Variants in LMBRD1 observed in about 807,000 individuals in gnomAD.
LMBRD1 encodes lysosomal cobalamin transport escort protein LMBD1.
LMBRD1 carries 64 observed loss-of-function variants against 74.8 expected under a neutral mutation model. That is an observed-to-expected ratio of 0.86 (90% CI 0.70 to 1.05). LMBRD1 has a LOEUF of 1.05. LMBRD1 is among the 50% of genes least tolerant of loss of function. The pLI is 0.00. For missense variants in LMBRD1, 652 were observed against 645.9 expected (o/e 1.01, Z -0.10); for synonymous variants, 204 against 216.3 (o/e 0.94, Z 0.50).
chr6:69,706,002 T>C lies in LMBRD1; in HGVS notation c.916-4049A>G, dbSNP rs77164302. The C allele has an allele frequency of 4.8e-3, 3,844 of 805,876 alleles. 75 individuals carry two copies. The African/African-American group carries it at 0.054, about 11-fold the overall frequency. 49.9% of individuals were successfully genotyped at this position (805,876 alleles called of 1,614,324 possible). Reference sequence around the variant, plus strand: ...CTTCAACGATGTGTAATTCATCTTTTCCATCAGCCCCTAAACTGACCGTTC... The same window carrying C: ...CTTCAACGATGTGTAATTCATCTTTCCCATCAGCCCCTAAACTGACCGTTC... On this transcript the variant is annotated intron_variant, in intron 9 of 15. Coordinates refer to ENST00000649934, the MANE Select transcript of LMBRD1 (RefSeq NM_018368.4).
intron 5 of LMBRD1, among the ~76,000 whole-genome samples, chr6:69,744,647 T>A (rs997059865): frequency 1.3e-5 from 2 of 152,170 alleles, no homozygotes; most frequent in African/African-American, 2.4e-5. Flanking sequence ...TTACACTCCA[T>A]CACCAAGTCA....
intron 9 of LMBRD1, among the ~76,000 whole-genome samples, chr6:69,702,314 C>T (rs1047981851): frequency 6.6e-6 from 1 of 151,052 alleles, no homozygotes; most frequent in Non-Finnish European, 1.5e-5. Context: ...CACCCCAAAA[C>T]CATGAAATGC....
In LMBRD1 at chr6:69,734,900, T is replaced by C. The variant is rs367629884; in HGVS notation, c.636+3042A>G. Among the ~76,000 whole-genome samples the C allele has an allele frequency of 5.9e-5, 9 of 152,174 alleles. No individual in the cohort carries two copies. The East Asian group carries it at 9.6e-4, about 16-fold the overall frequency. On this transcript the variant is annotated intron_variant, in intron 7 of 15. Transcript: ENST00000649934. ...ACTCAACTTTTGGTGAATTAGTGAG[T>C]GACGATGGTTGTGGTCATAGTGGGT...
chr6:69,774,801 G>A (rs1401662267), intron 3 of LMBRD1, among the ~76,000 whole-genome samples: 11 of 151,810 alleles, frequency 7.2e-5, no homozygotes, highest in South Asian at 4.2e-4. Flanking sequence ...TTTTATAAAA[G>A]AAAAGAGTAG....
At chr6:69,762,729 C>T (rs990688872) in intron 3 of LMBRD1, among the ~76,000 whole-genome samples, 2 of 152,062 alleles carry the variant, frequency 1.3e-5, no homozygotes, top group Admixed American at 1.3e-4. Context: ...AGGATCCCAT[C>T]ATGGGACTGG....
chr6:69,754,130 A>G (rs1329313012), intron 3 of LMBRD1, among the ~76,000 whole-genome samples: 2 of 142,800 alleles, frequency 1.4e-5, no homozygotes, highest in Non-Finnish European at 3.1e-5. Context: ...TGGTTGTCAG[A>G]AGGAGAGAGG....
chr6:69,786,248 G>T (rs1233681335), intron 2 of LMBRD1, among the ~76,000 whole-genome samples: 1 of 152,060 alleles, frequency 6.6e-6, no homozygotes, highest in Non-Finnish European at 1.5e-5. Context: ...TCAATAAAGA[G>T]CACAAAGTTC....
chr6:69,711,417 T>C (rs564638172), intron 9 of LMBRD1, among the ~76,000 whole-genome samples: 2 of 152,264 alleles, frequency 1.3e-5, no homozygotes, highest in Admixed American at 6.5e-5. Context: ...CTTAGTAAAG[T>C]TGATTTGAAA....
At position 69,790,160 on chromosome 6, in the gene LMBRD1, A is replaced by G; in HGVS notation, c.246+136T>C. On this transcript the variant is annotated intron_variant, in intron 2 of 15. Transcript: ENST00000649934. ...CTTCTGGTCTATCAGGTTAGATGTC[A>G]CATTCTCAGCTTCTATGTTGTATTT... is the stretch of plus-strand genomic sequence containing the variant. 4.4e-6 allele frequency: 3 copies of G among 680,972 alleles called. No individual in the cohort carries two copies. The South Asian group carries it at 5.1e-5, about 11-fold the overall frequency. The allele number at this position is 680,972 out of a possible 1,614,324, so 42.2% of individuals were successfully genotyped here.
At chr6:69,719,503 G>T (rs921833906) in intron 7 of LMBRD1, among the ~76,000 whole-genome samples, 1 of 151,974 alleles carries the variant, frequency 6.6e-6, no homozygotes, top group African/African-American at 2.4e-5. Flanking sequence ...CATGTTATTT[G>T]ATTAGCATAT....
intron 2 of LMBRD1, among the ~76,000 whole-genome samples, chr6:69,785,244 C>T (rs1432046916): frequency 6.6e-6 from 1 of 152,200 alleles, no homozygotes; most frequent in Admixed American, 6.5e-5. Context: ...TCCCCTTCAG[C>T]TGACCTTCTA....
intron 14 of LMBRD1, among the ~76,000 whole-genome samples, chr6:69,694,930 C>A (rs1283893339): frequency 6.6e-6 from 1 of 152,146 alleles, no homozygotes; most frequent in Non-Finnish European, 1.5e-5. Flanking sequence ...ACTGTCTACC[C>A]CACAGCCCGC....
intron 1 of LMBRD1, among the ~76,000 whole-genome samples, chr6:69,795,308 C>T (rs1287273019): frequency 6.6e-6 from 1 of 152,204 alleles, no homozygotes; most frequent in African/African-American, 2.4e-5. Context: ...CAAACTCTAC[C>T]ACAATTCTCA....
chr6:69,703,455 CA>C lies in LMBRD1; in HGVS notation c.916-1503del, dbSNP rs530645065. ...TCCCTCTCTTTGGTATCCATTTTGG[CA>C]AAAAAAAAAAAAAATTTAAAATTAA... On this transcript the variant is annotated intron_variant, in intron 9 of 15. Transcript: ENST00000649934. Among the ~76,000 whole-genome samples the C allele has an allele frequency of 7.7e-3, 942 of 122,514 alleles. 6 individuals carry two copies. The highest frequency in any genetic ancestry group is 0.017 in the African/African-American group (600 of 34,996). 80.4% of individuals were successfully genotyped at this position (122,514 alleles called of 152,430 possible).
chr6:69,784,440 T>C (rs901451033), intron 2 of LMBRD1, among the ~76,000 whole-genome samples: 3 of 152,148 alleles, frequency 2.0e-5, no homozygotes, highest in Admixed American at 6.5e-5. Context: ...AAAATGGTGG[T>C]TCTCATTCAG....
chr6:69,715,894 G>T (rs1766478535), intron 8 of LMBRD1, among the ~76,000 whole-genome samples: 1 of 152,024 alleles, frequency 6.6e-6, no homozygotes, highest in South Asian at 2.1e-4. Context: ...TCATGTGTTA[G>T]TTTGCTAAGG....
rs1273479747 is a variant in LMBRD1 at position 69,780,503 on chromosome 6, C to T, written c.298G>A (p.Gly100Ser). Residue 100 changes from glycine (G) to serine (S), a missense_variant, in exon 3 of 16, where the codon GGT becomes AGT. Coordinates refer to ENST00000649934, the MANE Select transcript of LMBRD1 (RefSeq NM_018368.4). ...ACTGAAAGATACTTACTATAGTAAC[C>T]GTATAATACAGTGTCCTCAATCTGT... ...SRQIEDTVLYGYYTLYSVILF... is the reference protein window; with the variant it reads ...SRQIEDTVLYSYYTLYSVILF... 12 of 1,606,640 alleles carry T rather than the reference C, an allele frequency of 7.5e-6. No homozygotes were observed. The Admixed American group carries it at 1.0e-4, about 13-fold the overall frequency.
At chr6:69,790,247 G>T in intron 2 of LMBRD1, 49 bp downstream of exon 2, 2 of 1,282,164 alleles carry the variant, frequency 1.6e-6, no homozygotes, top group Non-Finnish European at 2.2e-6. Context: ...TGCCAAGTGT[G>T]CCAGAAATTT....
At chr6:69,743,026 C>T (rs982527778) in intron 5 of LMBRD1, among the ~76,000 whole-genome samples, 1 of 151,748 alleles carries the variant, frequency 6.6e-6, no homozygotes, top group Non-Finnish European at 1.5e-5. Context: ...TATTTGTTGC[C>T]CCAGGTATGA....
Sources: gnomAD v4.1 joint callset for allele counts (sites outside exome capture counted in the v4.1 genomes callset) on GRCh38, gnomAD v4.1.1 for gene constraint, MANE v1.5 for transcripts, NCBI Gene and HGNC (gene_info 2026-07-23, HGNC 2026-07-21) for gene names.